RANBP2: variants seen among roughly 807,000 people sequenced by gnomAD.
RANBP2 encodes E3 SUMO-protein ligase RanBP2.
Under a neutral mutation model 303.6 loss-of-function variants are expected in RANBP2, and 57 were observed. The ratio of observed to expected loss-of-function variants is 0.19; its 90% CI spans 0.15 to 0.23. RANBP2 has a LOEUF of 0.23. Among genes scored for constraint, RANBP2 ranks in the 10% least tolerant of loss-of-function variants. The pLI, the probability that RANBP2 is intolerant of heterozygous loss-of-function variation, is 1.00. For missense variants in RANBP2, 3,138 were observed against 3,780.8 expected, an observed-to-expected ratio of 0.83 and a Z score of 4.46; for synonymous variants, 1,167 against 1,301.5, an observed-to-expected ratio of 0.90 and a Z score of 2.23.
At chr2:108,745,931 G>C (rs1573750474) in intron 7 of RANBP2, among the ~76,000 whole-genome samples, 2 of 146,716 alleles carry the variant, frequency 1.4e-5, no homozygotes, top group South Asian at 2.2e-4. Context: ...TTTGGAGATA[G>C]GGTCTCACTC....
chr2:108,911,035 G>A, the RANBP2 span: 1 of 1,614,182 alleles, frequency 6.2e-7, no homozygotes, highest in Non-Finnish European at 8.5e-7. Context: ...ACATTGCAAT[G>A]ATCAGGGCAG....
At chr2:109,700,017 G>A in the RANBP2 span, among the ~76,000 whole-genome samples, 1 of 152,190 alleles carries the variant, frequency 6.6e-6, no homozygotes, top group African/African-American at 2.4e-5. Flanking sequence ...AAGTTTTTAT[G>A]GCAGGAAGAT....
Position 108,749,565 on chromosome 2 carries a change from T to G in RANBP2, c.1273+436T>G, listed in dbSNP as rs1573761951. ...CACCTGCCTTGGCCTCCCAAAGTGC[T>G]GGGATTACAGGTGTGAGCCACTGCG... On this transcript the variant is annotated intron_variant, in intron 9 of 28. Coordinates refer to ENST00000283195, the MANE Select transcript of RANBP2 (RefSeq NM_006267.5). Among the ~76,000 whole-genome samples the G allele has an allele frequency of 1.2e-4, 19 of 152,090 alleles. No homozygotes were observed. The South Asian group carries it at 3.7e-3, about 30-fold the overall frequency.
chr2:109,380,525 G>A, the RANBP2 span, among the ~76,000 whole-genome samples: 350 of 152,356 alleles, frequency 2.3e-3, no homozygotes, highest in African/African-American at 7.7e-3. Flanking sequence ...GCTTGCAGCA[G>A]TTCTTGTATA....
chr2:109,416,081 C>T, the RANBP2 span, among the ~76,000 whole-genome samples: 1 of 152,196 alleles, frequency 6.6e-6, no homozygotes. Context: ...TGCAGCATCG[C>T]ACTTCTCAGT....
At chr2:109,666,926 G>T in the RANBP2 span, among the ~76,000 whole-genome samples, 1 of 152,128 alleles carries the variant, frequency 6.6e-6, no homozygotes, top group Non-Finnish European at 1.5e-5. Flanking sequence ...TAAGCTATTT[G>T]TATTTGTTCC....
At chr2:109,371,941 G>T in the RANBP2 span, among the ~76,000 whole-genome samples, 1 of 152,208 alleles carries the variant, frequency 6.6e-6, no homozygotes. Flanking sequence ...TGGCAGCAGG[G>T]CCCCCTTGTG....
the RANBP2 span, among the ~76,000 whole-genome samples, chr2:109,267,769 G>A: frequency 3.3e-5 from 5 of 152,344 alleles, no homozygotes; most frequent in South Asian, 2.1e-4. Context: ...ACAGTTCTGC[G>A]TCTGTCCCTG....
the RANBP2 span, among the ~76,000 whole-genome samples, chr2:109,094,263 GC>G: frequency 6.6e-6 from 1 of 152,156 alleles, no homozygotes; most frequent in African/African-American, 2.4e-5. Context: ...GAAACAAAAT[GC>G]ATGATAGAAG....
At chr2:109,003,205 CAAAAAAAAAAAAA>C in the RANBP2 span, among the ~76,000 whole-genome samples, 1 of 45,432 alleles carries the variant, frequency 2.2e-5, no homozygotes, top group Non-Finnish European at 4.2e-5. Context: ...GTCTCCCTCT[CAAAAAAAAAAAAA>C]AAAAAAAAAA....
chr2:108,840,475 G>C, the RANBP2 span, among the ~76,000 whole-genome samples: 1 of 152,052 alleles, frequency 6.6e-6, no homozygotes, highest in Non-Finnish European at 1.5e-5. Flanking sequence ...TTTTGGGGGA[G>C]GTTTTAAATT....
chr2:109,633,222 G>A, the RANBP2 span, among the ~76,000 whole-genome samples: 14 of 152,068 alleles, frequency 9.2e-5, no homozygotes, highest in East Asian at 1.6e-3. Flanking sequence ...CAAAAACCTC[G>A]TCTCTACTAA....
chr2:108,731,328 G>A lies in RANBP2; in HGVS notation c.259G>A (p.Val87Met), dbSNP rs1695154316. The change falls in exon 4 of 29, where the codon GTG (valine) becomes ATG (methionine). Residue 87 changes from valine (V) to methionine (M), a missense_variant. Transcript: ENST00000283195. ...ATTTCTTTTCTGATATTAGCGTTCA[G>A]TGGAATTAAACCCAACACAAAAAGA... ...DKAVECYRRS[V>M]ELNPTQKDLV... 6.2e-7 allele frequency: 1 copy of A among 1,610,914 alleles called. No individual in the cohort carries two copies.
the RANBP2 span, among the ~76,000 whole-genome samples, chr2:108,919,230 C>T: frequency 3.3e-5 from 5 of 152,186 alleles, no homozygotes; most frequent in Admixed American, 1.3e-4. Context: ...CACGGGAGTA[C>T]GCAGAGTAGC....
At chr2:108,797,903 G>A in the RANBP2 span, among the ~76,000 whole-genome samples, 8 of 151,648 alleles carry the variant, frequency 5.3e-5, no homozygotes, top group African/African-American at 1.9e-4. Flanking sequence ...ACTGCATTGA[G>A]AATCTAGTAC....
chr2:109,511,837 T>C, the RANBP2 span, among the ~76,000 whole-genome samples: 1 of 151,826 alleles, frequency 6.6e-6, no homozygotes, highest in Admixed American at 6.6e-5. Context: ...GAGAGAGAGG[T>C]GAGGTCCTGC....
the RANBP2 span, among the ~76,000 whole-genome samples, chr2:109,196,927 G>C: frequency 6.6e-6 from 1 of 152,218 alleles, no homozygotes; most frequent in African/African-American, 2.4e-5. Flanking sequence ...TTGCTGAGTA[G>C]TGCGAAGGCT....
the RANBP2 span, among the ~76,000 whole-genome samples, chr2:109,006,347 A>C: frequency 6.6e-6 from 1 of 151,790 alleles, no homozygotes; most frequent in African/African-American, 2.4e-5. Context: ...GCGCTTGCCA[A>C]CACGCTTGGC....
the RANBP2 span, among the ~76,000 whole-genome samples, chr2:109,348,161 C>T: frequency 6.6e-6 from 1 of 152,194 alleles, no homozygotes; most frequent in African/African-American, 2.4e-5. Context: ...TGGAGGGCAC[C>T]AGCTTGACAC....
Sources: gnomAD v4.1 joint callset for allele counts (sites outside exome capture counted in the v4.1 genomes callset) on GRCh38, gnomAD v4.1.1 for gene constraint, MANE v1.5 for transcripts, NCBI Gene and HGNC (gene_info 2026-07-23, HGNC 2026-07-21) for gene names.